The following ZNF141 variants were observed in gnomAD, a reference collection of about 807,000 sequenced individuals.
ZNF141 encodes the protein zinc finger protein 141 (clone pHZ-44).
In ZNF141, 7 loss-of-function variants were observed where a neutral mutation model predicts 11.3. The observed-to-expected ratio is 0.62, with a 90% CI of 0.35 to 1.16. The LOEUF (loss-of-function observed/expected upper bound fraction) is 1.16, where lower values mean the gene tolerates loss of function less well. ZNF141 is among the 50% of genes most tolerant of loss of function. The pLI, the probability that ZNF141 is intolerant of heterozygous loss-of-function variation, is 0.02. For synonymous variants in ZNF141, 183 were observed against 190.7 expected (o/e 0.96, Z 0.33); for missense variants, 535 against 554.0 (o/e 0.97, Z 0.34).
chr4:339,224 C>A (rs1369044893), intron 1 of ZNF141, among the ~76,000 whole-genome samples: 1 of 152,228 alleles, frequency 6.6e-6, no homozygotes. Flanking sequence ...TTCATTTTAA[C>A]CCCAGATCTG....
At chr4:348,011 AT>A (rs1434632886) in intron 3 of ZNF141, among the ~76,000 whole-genome samples, 9 of 151,220 alleles carry the variant, frequency 6.0e-5, no homozygotes, top group Non-Finnish European at 1.2e-4. Context: ...TGCCCAGCTA[AT>A]TTTTTGTATT....
At chr4:350,981 C>A (rs1365783977) in intron 3 of ZNF141, among the ~76,000 whole-genome samples, 3 of 151,606 alleles carry the variant, frequency 2.0e-5, no homozygotes, top group Non-Finnish European at 2.9e-5. Flanking sequence ...GATCTCCTGA[C>A]CTCATGATCC....
intron 3 of ZNF141, among the ~76,000 whole-genome samples, chr4:364,270 C>T (rs1480800543): frequency 6.6e-6 from 1 of 152,098 alleles, no homozygotes; most frequent in African/African-American, 2.4e-5. Context: ...GGAATGATAC[C>T]AGCTCTTCTT....
intron 3 of ZNF141, among the ~76,000 whole-genome samples, chr4:363,286 G>A (rs1244196862): frequency 2.6e-5 from 4 of 152,142 alleles, no homozygotes; most frequent in African/African-American, 9.7e-5. Flanking sequence ...AGACGATGGG[G>A]TTTTCTAAAT....
In ZNF141 at chr4:384,186, T is replaced by G. The variant is rs1246181318; in HGVS notation, c.*10324T>G. 6.6e-6 allele frequency: 1 copy of G among 152,124 alleles called. No homozygotes were observed. Among genetic ancestry groups the G allele is most frequent in the African/African-American group, 2.4e-5 (1 of 41,394 alleles). The allele number at this position is 152,124 out of a possible 1,614,324, so 9.4% of individuals were successfully genotyped here. On this transcript the variant is annotated 3_prime_UTR_variant, in exon 4 of 4. Transcript: ENST00000240499. ...CCTGGCAATTAGGTCCAAAGATAAA[T>G]AGCAAAACAAGAAGTTTGCCTTTAA... is the stretch of plus-strand genomic sequence containing the variant.
intron 1 of ZNF141, among the ~76,000 whole-genome samples, chr4:339,364 G>A (rs1012062726): frequency 6.6e-6 from 1 of 152,208 alleles, no homozygotes; most frequent in African/African-American, 2.4e-5. Context: ...GCACAAACCA[G>A]TCCTTTCGTC....
intron 3 of ZNF141, among the ~76,000 whole-genome samples, chr4:356,060 A>G (rs1489450706): frequency 1.3e-5 from 2 of 151,672 alleles, no homozygotes; most frequent in Non-Finnish European, 2.9e-5. Flanking sequence ...TGAAACCCCC[A>G]TCTCTACTAA....
At chr4:356,367 CTGGAGTACAG>C (rs1721840965) in intron 3 of ZNF141, among the ~76,000 whole-genome samples, 1 of 151,890 alleles carries the variant, frequency 6.6e-6, no homozygotes, top group Non-Finnish European at 1.5e-5. Context: ...GTCACCCAGG[CTGGAGTACAG>C]TGGAGTACAG....
At chr4:344,971 G>A (rs1721251310) in intron 3 of ZNF141, among the ~76,000 whole-genome samples, 1 of 152,148 alleles carries the variant, frequency 6.6e-6, no homozygotes, top group African/African-American at 2.4e-5. Context: ...AAGTTTACAG[G>A]GAGAGCTAAT....
At chr4:338,684 A>G (rs915088369) in intron 1 of ZNF141, 1 of 153,164 alleles carries the variant, frequency 6.5e-6, no homozygotes, top group Non-Finnish European at 1.5e-5. Flanking sequence ...AGGTGTTCAG[A>G]AATGAAGACG....
chr4:347,401 A>G (rs1271984299), intron 3 of ZNF141, among the ~76,000 whole-genome samples: 1 of 145,650 alleles, frequency 6.9e-6, no homozygotes, highest in Non-Finnish European at 1.5e-5. Flanking sequence ...GTACAGTGGC[A>G]GGATCTCGGC....
intron 3 of ZNF141, chr4:350,147 G>C: frequency 1.9e-6 from 1 of 534,684 alleles, no homozygotes; most frequent in South Asian, 1.4e-5. Context: ...TTACAGAACT[G>C]CTTCAGAATC....
chr4:368,065 T>C (rs1159428540), intron 3 of ZNF141, among the ~76,000 whole-genome samples: 2 of 152,236 alleles, frequency 1.3e-5, no homozygotes, highest in Non-Finnish European at 2.9e-5. Context: ...AAAACAATTC[T>C]GTTTTCTATT....
intron 3 of ZNF141, among the ~76,000 whole-genome samples, chr4:355,146 G>T (rs1440734758): frequency 6.6e-6 from 1 of 151,424 alleles, no homozygotes; most frequent in East Asian, 1.9e-4. Flanking sequence ...ACTATATAAT[G>T]AAGTTTTTTT....
intron 3 of ZNF141, 81 bp from the exon 4 acceptor site, chr4:372,583 T>C (rs1712120182): frequency 8.0e-7 from 1 of 1,247,998 alleles, no homozygotes; most frequent in African/African-American, 1.5e-5. Context: ...CTAATGTATT[T>C]TGAATAATTT....
At chr4:347,786 T>A (rs2108688980) in intron 3 of ZNF141, among the ~76,000 whole-genome samples, 1 of 152,228 alleles carries the variant, frequency 6.6e-6, no homozygotes, top group South Asian at 2.1e-4. Flanking sequence ...AATGGGTTAT[T>A]CATTATTATT....
At chr4:339,968 T>A (rs1469230167) in intron 1 of ZNF141, among the ~76,000 whole-genome samples, 2 of 152,230 alleles carry the variant, frequency 1.3e-5, no homozygotes, top group African/African-American at 4.8e-5. Flanking sequence ...CTATGTATGA[T>A]ACATGGTACT....
In ZNF141 at chr4:379,420, G is replaced by T. The variant is rs140049858; in HGVS notation, c.*5558G>T. On this transcript the variant is annotated 3_prime_UTR_variant, in exon 4 of 4. Coordinates refer to ENST00000240499, the MANE Select transcript of ZNF141 (RefSeq NM_003441.4). ...AGACGGAGTCTCGCTCTGTCGCCAG[G>T]CTGGAGTACAGTGGTGCGATCTCAG... 7.8e-3 allele frequency among the ~76,000 whole-genome samples: 1,193 copies of T among 152,242 alleles called. 16 individuals are homozygous for T. The highest frequency in any genetic ancestry group is 0.027 in the African/African-American group (1,136 of 41,526).
At chr4:368,621 C>G (rs1431054144) in intron 3 of ZNF141, among the ~76,000 whole-genome samples, 2 of 152,190 alleles carry the variant, frequency 1.3e-5, no homozygotes, top group African/African-American at 4.8e-5. Flanking sequence ...TCATTACTTT[C>G]ATTTATTTGC....
Sources: allele counts gnomAD v4.1 joint callset (sites outside exome capture counted in the v4.1 genomes callset), GRCh38; gene constraint gnomAD v4.1.1; transcripts MANE v1.5; gene names NCBI Gene and HGNC (gene_info 2026-07-23, HGNC 2026-07-21).